The following MORN5 variants were observed in gnomAD, a reference collection of about 807,000 sequenced individuals.
MORN5 encodes MORN repeat containing 5.
In MORN5, 21 loss-of-function variants were observed where a neutral mutation model predicts 22.1. The ratio of observed to expected loss-of-function variants is 0.95; its 90% CI spans 0.67 to 1.37. The LOEUF (loss-of-function observed/expected upper bound fraction) is 1.37. Ranked by LOEUF, MORN5 falls within the 40% of genes most tolerant of loss-of-function variation. The pLI, the probability that MORN5 is intolerant of heterozygous loss-of-function variation, is 0.00. For missense variants in MORN5, 211 were observed against 215.1 expected (o/e 0.98, Z 0.12); for synonymous variants, 73 against 74.0 (o/e 0.99, Z 0.07).
chr9:122,180,482 C>T (rs547455400), intron 4 of MORN5, among the ~76,000 whole-genome samples: 1 of 152,156 alleles, frequency 6.6e-6, no homozygotes, highest in African/African-American at 2.4e-5. Flanking sequence ...GATGGGGTTT[C>T]ACCATGTTAG....
At chr9:122,183,152 G>A (rs1357132928) in intron 4 of MORN5, among the ~76,000 whole-genome samples, 1 of 152,088 alleles carries the variant, frequency 6.6e-6, no homozygotes, top group East Asian at 1.9e-4. Flanking sequence ...TACTTCATTT[G>A]AAAAAGGGTC....
intron 2 of MORN5, 122 bp downstream of exon 2, chr9:122,167,037 TTCTCCCCCAC>T: frequency 1.1e-6 from 1 of 907,524 alleles, no homozygotes; most frequent in Non-Finnish European, 1.6e-6. Context: ...TTCTCTTTGC[TTCTCCCCCAC>T]TCCCCCCACT....
At chr9:122,165,319 G>T (rs1009748344) in intron 1 of MORN5, among the ~76,000 whole-genome samples, 8 of 149,426 alleles carry the variant, frequency 5.4e-5, no homozygotes, top group African/African-American at 2.0e-4. Flanking sequence ...AACATTTTGG[G>T]AGGCTGAGGC....
At chr9:122,199,799 C>T (rs1829974009) in intron 4 of MORN5, 86 bp from the exon 5 acceptor site, 1 of 1,340,102 alleles carries the variant, frequency 7.5e-7, no homozygotes, top group South Asian at 1.2e-5. Context: ...CCATCCCAGT[C>T]CCAACGCCCC....
chr9:122,189,049 G>C (rs1461940340), intron 4 of MORN5, among the ~76,000 whole-genome samples: 1 of 152,060 alleles, frequency 6.6e-6, no homozygotes, highest in Non-Finnish European at 1.5e-5. Flanking sequence ...ACAAAAATTA[G>C]CCCGGTGTGG....
intron 4 of MORN5, among the ~76,000 whole-genome samples, chr9:122,188,513 G>A (rs1387780793): frequency 2.6e-5 from 4 of 152,294 alleles, no homozygotes; most frequent in South Asian, 2.1e-4. Flanking sequence ...ACAGGCTCCC[G>A]CCTGCCGGGG....
At position 122,159,912 on chromosome 9, in the gene MORN5, T is replaced by C; in HGVS notation, c.-61T>C. 6.4e-7 allele frequency: 1 copy of C among 1,559,720 alleles called. No homozygotes were observed. The highest frequency in any genetic ancestry group is 8.8e-7 in the Non-Finnish European group (1 of 1,130,498). On this transcript the variant is annotated 5_prime_UTR_variant, in exon 1 of 5. Coordinates refer to ENST00000373764, the MANE Select transcript of MORN5 (RefSeq NM_198469.4). ...CTCCGCCCACCCCTCCAGGTTGTCA[T>C]AGTGATGCCGTATCCACTGAGACTC...
intron 4 of MORN5, among the ~76,000 whole-genome samples, chr9:122,193,942 A>G (rs897259458): frequency 6.6e-6 from 1 of 152,212 alleles, no homozygotes; most frequent in African/African-American, 2.4e-5. Context: ...CAGGCTGAGG[A>G]GTGGAGAGCC....
At chr9:122,165,447 C>A (rs1434453895) in intron 1 of MORN5, among the ~76,000 whole-genome samples, 1 of 149,298 alleles carries the variant, frequency 6.7e-6, no homozygotes, top group East Asian at 2.0e-4. Context: ...TGGTGGGGCA[C>A]ACCTGTGGTT....
rs1588324630 is a variant in MORN5 at position 122,199,895 on chromosome 9, G to C, written c.450G>C (p.Glu150Asp). The C allele has an allele frequency of 6.2e-7, 1 of 1,613,984 alleles. No individual in the cohort carries two copies. The highest frequency in any genetic ancestry group is 8.5e-7 in the Non-Finnish European group (1 of 1,179,870). Residue 150 changes from glutamate (E) to aspartate (D), a missense_variant, in exon 5 of 5, where the codon GAG becomes GAC. Glu to Asp is a conservative substitution (Grantham distance 45). Coordinates refer to ENST00000373764, the MANE Select transcript of MORN5 (RefSeq NM_198469.4). Reference protein sequence around the residue: ...NRFLRNADDDEHEWITRTCRK... With the variant: ...NRFLRNADDDDHEWITRTCRK... ...CCTCTTTCCTTGCAGATGATGACGA[G>C]CATGAGTGGATCACCCGTACCTGTC... is the stretch of plus-strand genomic sequence containing the variant.
intron 2 of MORN5, 52 bp from the exon 3 acceptor site, chr9:122,169,593 G>A (rs1312850020): frequency 3.0e-6 from 4 of 1,322,122 alleles, no homozygotes; most frequent in Non-Finnish European, 4.4e-6. Context: ...GAACCTCTTG[G>A]CCAAAAGCCT....
chr9:122,174,277 G>T (rs1414438771), intron 3 of MORN5, among the ~76,000 whole-genome samples: 3 of 152,302 alleles, frequency 2.0e-5, no homozygotes, highest in East Asian at 1.9e-4. Flanking sequence ...AAGACAGAGG[G>T]TCTCGTTCCC....
At chr9:122,179,276 G>A (rs1588306896) in intron 4 of MORN5, among the ~76,000 whole-genome samples, 1 of 152,280 alleles carries the variant, frequency 6.6e-6, no homozygotes, top group East Asian at 1.9e-4. Context: ...CAAAGGTTAT[G>A]GTTGTCTTTC....
chr9:122,166,923 G>A lies in MORN5; in HGVS notation c.195+8G>A, dbSNP rs541298377. The stretch of plus-strand genomic sequence containing the variant: ...AACGGATTGGCCATAAAGGTGATCA[G>A]CTGGGGGGACGGATGCTGTGGAGGA... On this transcript the variant is annotated splice_region_variant and intron_variant, in intron 2 of 4. Transcript: ENST00000373764. 4 of 1,612,110 alleles carry A rather than the reference G, an allele frequency of 2.5e-6. No individual in the cohort carries two copies. The highest frequency in any genetic ancestry group is 3.4e-6 in the Non-Finnish European group (4 of 1,179,010).
At chr9:122,167,329 C>T (rs1247520202) in intron 2 of MORN5, among the ~76,000 whole-genome samples, 4 of 145,182 alleles carry the variant, frequency 2.8e-5, no homozygotes, top group African/African-American at 5.0e-5. Context: ...TACAGGTGCG[C>T]AGGTGTGAGC....
At position 122,159,964 on chromosome 9, in the gene MORN5, A is replaced by C. The variant is rs773621524; in HGVS notation, c.-9A>C. ...GGATCCTAACAGCTGGAAGCTAAAA[A>C]CAGGCGCCATGGAGTACACAGGGAG... On this transcript the variant is annotated 5_prime_UTR_variant, in exon 1 of 5. Transcript: ENST00000373764. 2 of 1,614,084 alleles carry C rather than the reference A, an allele frequency of 1.2e-6. No individual in the cohort carries two copies. The highest frequency in any genetic ancestry group is 4.5e-5 in the East Asian group (2 of 44,884).
At chr9:122,189,352 G>A (rs1383605983) in intron 4 of MORN5, among the ~76,000 whole-genome samples, 1 of 152,164 alleles carries the variant, frequency 6.6e-6, no homozygotes, top group Non-Finnish European at 1.5e-5. Context: ...CCAGCACCTT[G>A]GGAGGCTAAA....
intron 3 of MORN5, among the ~76,000 whole-genome samples, chr9:122,173,896 C>T (rs12340684): frequency 0.037 from 5,585 of 152,282 alleles, 347 homozygotes; most frequent in African/African-American, 0.13. Flanking sequence ...AGCCACAGAG[C>T]TGCTCTCAGG....
chr9:122,191,017 C>T (rs779131027), intron 4 of MORN5, among the ~76,000 whole-genome samples: 1 of 152,236 alleles, frequency 6.6e-6, no homozygotes, highest in African/African-American at 2.4e-5. Flanking sequence ...CTAGACCCCC[C>T]CAAAAGACGA....
Sources: allele counts gnomAD v4.1 joint callset (sites outside exome capture counted in the v4.1 genomes callset), GRCh38; gene constraint gnomAD v4.1.1; transcripts MANE v1.5; gene names NCBI Gene and HGNC (gene_info 2026-07-23, HGNC 2026-07-21).